GRID1: variants seen among roughly 807,000 people sequenced by gnomAD.
GRID1 encodes glutamate receptor ionotropic, delta-1.
In GRID1, 28 loss-of-function variants were observed where a neutral mutation model predicts 98.0. That is an observed-to-expected ratio of 0.29 (90% CI 0.21 to 0.39). GRID1 has a LOEUF of 0.39. GRID1 is among the 10% of genes least tolerant of loss of function. The pLI is 1.00. For synonymous variants in GRID1, 553 were observed against 538.5 expected (o/e 1.03, Z -0.37); for missense variants, 1,111 against 1,340.5 (o/e 0.83, Z 2.67).
At chr10:86,288,186 CG>C (rs1361866676) in intron 2 of GRID1, among the ~76,000 whole-genome samples, 1 of 152,218 alleles carries the variant, frequency 6.6e-6, no homozygotes, top group Non-Finnish European at 1.5e-5. Context: ...TCACTGGCCA[CG>C]AACCTGTTCA....
chr10:86,210,533 A>G (rs1030702710), intron 2 of GRID1, among the ~76,000 whole-genome samples: 2 of 152,212 alleles, frequency 1.3e-5, no homozygotes, highest in African/African-American at 4.8e-5. Flanking sequence ...TGGACATCCC[A>G]TCTCTCCACC....
intron 2 of GRID1, among the ~76,000 whole-genome samples, chr10:86,278,470 G>C (rs748725005): frequency 6.6e-6 from 1 of 151,816 alleles, no homozygotes; most frequent in Non-Finnish European, 1.5e-5. Context: ...AAAAACAATA[G>C]GAAAATCAAG....
chr10:85,971,902 T>C (rs896233321), intron 4 of GRID1, among the ~76,000 whole-genome samples: 5 of 152,000 alleles, frequency 3.3e-5, no homozygotes, highest in Non-Finnish European at 7.4e-5. Context: ...AATAAAACAA[T>C]AAGAGCTTTA....
At chr10:85,829,008 C>T (rs1842844465) in intron 8 of GRID1, among the ~76,000 whole-genome samples, 1 of 151,882 alleles carries the variant, frequency 6.6e-6, no homozygotes, top group African/African-American at 2.4e-5. Context: ...ACAACAAAAA[C>T]AGAAAACATC....
chr10:85,870,171 A>C (rs981862335), intron 5 of GRID1, among the ~76,000 whole-genome samples: 9 of 152,232 alleles, frequency 5.9e-5, no homozygotes, highest in African/African-American at 1.9e-4. Flanking sequence ...AGCTGCCAGC[A>C]TAGGTAGAAT....
At chr10:85,688,111 T>G (rs1193531267) in intron 12 of GRID1, among the ~76,000 whole-genome samples, 1 of 152,168 alleles carries the variant, frequency 6.6e-6, no homozygotes, top group Non-Finnish European at 1.5e-5. Context: ...GAGTAAAGTA[T>G]TCCAGGATAG....
chr10:86,002,771 CGT>C (rs1458662352), intron 4 of GRID1, among the ~76,000 whole-genome samples: 1 of 152,136 alleles, frequency 6.6e-6, no homozygotes, highest in Non-Finnish European at 1.5e-5. Flanking sequence ...ATTTCAAAAC[CGT>C]GGTTAATGAG....
intron 12 of GRID1, among the ~76,000 whole-genome samples, chr10:85,710,423 G>A (rs1841569243): frequency 6.6e-6 from 1 of 152,058 alleles, no homozygotes; most frequent in African/African-American, 2.4e-5. Flanking sequence ...TCCACATGCA[G>A]AAAAATGCAG....
intron 5 of GRID1, among the ~76,000 whole-genome samples, chr10:85,911,009 T>G (rs1333636549): frequency 2.6e-5 from 4 of 151,932 alleles, no homozygotes; most frequent in Non-Finnish European, 4.4e-5. Flanking sequence ...AAGAAAGAAG[T>G]CACTCATCCA....
At chr10:86,017,879 G>A (rs1842999458) in intron 4 of GRID1, among the ~76,000 whole-genome samples, 1 of 152,158 alleles carries the variant, frequency 6.6e-6, no homozygotes. Context: ...AAGAGAGGAG[G>A]TTGGCCTATC....
intron 8 of GRID1, among the ~76,000 whole-genome samples, chr10:85,739,304 G>C (rs1450240428): frequency 1.3e-5 from 2 of 152,100 alleles, no homozygotes; most frequent in Non-Finnish European, 2.9e-5. Flanking sequence ...TTATGGCCGG[G>C]CACAGTGGCT....
chr10:86,194,448 C>T (rs58889540), intron 3 of GRID1, among the ~76,000 whole-genome samples: 1 of 152,082 alleles, frequency 6.6e-6, no homozygotes, highest in African/African-American at 2.4e-5. Flanking sequence ...TCCCCTTCTG[C>T]GTCTGCAAAG....
At chr10:85,853,479 A>C (rs1843079335) in intron 8 of GRID1, among the ~76,000 whole-genome samples, 1 of 152,128 alleles carries the variant, frequency 6.6e-6, no homozygotes, top group African/African-American at 2.4e-5. Flanking sequence ...CTGTGAATAC[A>C]TGAGGCTGTG....
intron 3 of GRID1, among the ~76,000 whole-genome samples, chr10:86,205,724 T>C (rs981471979): frequency 1.3e-5 from 2 of 152,250 alleles, no homozygotes; most frequent in Non-Finnish European, 2.9e-5. Flanking sequence ...AGTCTGTTTT[T>C]ACAGAGCAGT....
chr10:85,920,547 T>C (rs1477362760), intron 4 of GRID1, among the ~76,000 whole-genome samples: 2 of 152,220 alleles, frequency 1.3e-5, no homozygotes, highest in African/African-American at 4.8e-5. Context: ...TCTGCCATCA[T>C]GGATACACCA....
chr10:86,110,899 GC>G (rs1232129171), intron 4 of GRID1, among the ~76,000 whole-genome samples: 1 of 152,202 alleles, frequency 6.6e-6, no homozygotes, highest in Non-Finnish European at 1.5e-5. Flanking sequence ...TCTATGCCAG[GC>G]ACAGATTTGC....
At chr10:85,984,126 G>A (rs1842579377) in intron 4 of GRID1, among the ~76,000 whole-genome samples, 1 of 151,790 alleles carries the variant, frequency 6.6e-6, no homozygotes, top group Non-Finnish European at 1.5e-5. Context: ...ACCTCTCCCT[G>A]CACCACAGAG....
At chr10:86,128,303 C>G (rs1844783435) in intron 4 of GRID1, among the ~76,000 whole-genome samples, 1 of 152,144 alleles carries the variant, frequency 6.6e-6, no homozygotes, top group East Asian at 1.9e-4. Context: ...AACCCTCCAT[C>G]TGCCCTCCCT....
At chr10:85,798,965 T>C (rs766021298) in intron 8 of GRID1, among the ~76,000 whole-genome samples, 1 of 152,162 alleles carries the variant, frequency 6.6e-6, no homozygotes, top group Non-Finnish European at 1.5e-5. Flanking sequence ...TATTTTTTTC[T>C]GGTAGTTTCA....
Sources: allele counts gnomAD v4.1 joint callset (sites outside exome capture counted in the v4.1 genomes callset), GRCh38; gene constraint gnomAD v4.1.1; transcripts MANE v1.5; gene names NCBI Gene and HGNC (gene_info 2026-07-23, HGNC 2026-07-21).